Variants in DAB1 observed in about 807,000 individuals in gnomAD.
DAB1 encodes the protein DAB adaptor protein 1.
A neutral mutation model predicts 64.6 loss-of-function variants in DAB1; 15 were observed. The observed-to-expected ratio is 0.23, with a 90% confidence interval of 0.16 to 0.36. The LOEUF (loss-of-function observed/expected upper bound fraction) is 0.36, where lower values mean the gene tolerates loss of function less well. DAB1 is among the 10% of genes least tolerant of loss of function. The pLI, the probability that DAB1 is intolerant of heterozygous loss-of-function variation, is 1.00. For missense variants in DAB1, 596 were observed against 706.7 expected (o/e 0.84, Z 1.78); for synonymous variants, 235 against 251.9 (o/e 0.93, Z 0.64).
At chr1:58,425,174 C>T (rs1023421374) in intron 3 of DAB1, among the ~76,000 whole-genome samples, 1 of 152,292 alleles carries the variant, frequency 6.6e-6, no homozygotes, top group Middle Eastern at 3.4e-3. Flanking sequence ...GACAAGCCCC[C>T]CTGCATTCTT....
intron 5 of DAB1, among the ~76,000 whole-genome samples, chr1:57,925,090 A>C (rs1644860933): frequency 6.6e-6 from 1 of 152,172 alleles, no homozygotes; most frequent in South Asian, 2.1e-4. Flanking sequence ...CTCAAAAGGA[A>C]ACTCAGGTCA....
At chr1:57,282,263 T>C (rs1014162661) in intron 2 of DAB1, among the ~76,000 whole-genome samples, 3 of 143,866 alleles carry the variant, frequency 2.1e-5, no homozygotes, top group Non-Finnish European at 4.5e-5. Flanking sequence ...AGCAAGTGCA[T>C]AGGGTAAGAG....
At chr1:57,053,825 C>T (rs11206961) in intron 9 of DAB1, among the ~76,000 whole-genome samples, 51,887 of 150,382 alleles carry the variant, frequency 0.35, 9,739 homozygotes, top group Middle Eastern at 0.47. Context: ...GTAGCTGGGA[C>T]TACAGAAGTG....
intron 5 of DAB1, among the ~76,000 whole-genome samples, chr1:58,040,997 C>G (rs191502130): frequency 5.6e-4 from 86 of 152,298 alleles, no homozygotes; most frequent in Non-Finnish European, 6.8e-4. Context: ...TGCATCACCC[C>G]CTGGATACAT....
chr1:57,678,356 T>C (rs1646593181), intron 6 of DAB1, among the ~76,000 whole-genome samples: 1 of 152,226 alleles, frequency 6.6e-6, no homozygotes, highest in South Asian at 2.1e-4. Flanking sequence ...GTGAATGCCT[T>C]TCAAGGGGCT....
At chr1:57,505,034 C>G (rs1344576910) in intron 7 of DAB1, among the ~76,000 whole-genome samples, 2 of 151,840 alleles carry the variant, frequency 1.3e-5, no homozygotes, top group African/African-American at 4.8e-5. Context: ...GAGACAGGAA[C>G]AGGACATTAG....
intron 5 of DAB1, among the ~76,000 whole-genome samples, chr1:57,978,698 A>G (rs1006863309): frequency 1.3e-5 from 2 of 152,214 alleles, no homozygotes; most frequent in African/African-American, 2.4e-5. Flanking sequence ...AGAATCCACA[A>G]AGAACTTAAA....
At chr1:57,122,439 C>A (rs1656750290) in intron 4 of DAB1, among the ~76,000 whole-genome samples, 1 of 152,090 alleles carries the variant, frequency 6.6e-6, no homozygotes, top group African/African-American at 2.4e-5. Flanking sequence ...CTTAGCTCTC[C>A]CAAACATGTT....
chr1:57,198,997 A>C (rs1382165662), intron 2 of DAB1, among the ~76,000 whole-genome samples: 3 of 152,160 alleles, frequency 2.0e-5, no homozygotes, highest in African/African-American at 7.2e-5. Context: ...GGGCACCCCC[A>C]GGCCACTGGT....
At chr1:57,606,643 AAT>A (rs1302276081) in intron 7 of DAB1, among the ~76,000 whole-genome samples, 56 of 89,378 alleles carry the variant, frequency 6.3e-4, no homozygotes, top group African/African-American at 2.8e-3. Flanking sequence ...TTATATATGA[AAT>A]ATATATTATG....
chr1:58,487,512 C>T (rs1256685600), intron 3 of DAB1, among the ~76,000 whole-genome samples: 2 of 152,170 alleles, frequency 1.3e-5, no homozygotes, highest in African/African-American at 4.8e-5. Context: ...TACCTTTCTA[C>T]ATTTTGAAGG....
In DAB1 at chr1:57,918,894, G is replaced by T. The variant is rs574056304; in HGVS notation, n.388-34732C>A. 3.9e-5 allele frequency among the ~76,000 whole-genome samples: 6 copies of T among 152,154 alleles called. No individual in the cohort carries two copies. The East Asian group carries it at 1.2e-3, about 29-fold the overall frequency. ...CCTGTGACACAAAGACCTCCACTAG[G>T]CCCCACTTCCCAATACCACCACATT... On this transcript the variant is annotated intron_variant and non_coding_transcript_variant, in intron 5 of 20. Coordinates refer to the DAB1 transcript ENST00000485760.
chr1:57,225,716 T>C (rs1667213020), intron 2 of DAB1, among the ~76,000 whole-genome samples: 1 of 152,168 alleles, frequency 6.6e-6, no homozygotes, highest in Admixed American at 6.5e-5. Context: ...CAAAGCTAAT[T>C]GATAGTTAAT....
chr1:57,427,206 G>A (rs1405096956), upstream of DAB1, among the ~76,000 whole-genome samples: 1 of 152,144 alleles, frequency 6.6e-6, no homozygotes, highest in African/African-American at 2.4e-5. Context: ...CAGTCACCTG[G>A]TAAACATTGA....
At chr1:57,025,891 C>T in intron 10 of DAB1, 90 bp downstream of exon 10, 2 of 1,048,058 alleles carry the variant, frequency 1.9e-6, no homozygotes, top group South Asian at 3.3e-5. Flanking sequence ...CAGCAGCCCT[C>T]TTTCACTCAA....
At chr1:57,975,640 G>A (rs1645901047) in intron 5 of DAB1, among the ~76,000 whole-genome samples, 1 of 152,166 alleles carries the variant, frequency 6.6e-6, no homozygotes, top group African/African-American at 2.4e-5. Context: ...TACTTATCAT[G>A]TCTCAGGTAC....
intron 5 of DAB1, among the ~76,000 whole-genome samples, chr1:58,014,757 G>A (rs912800626): frequency 6.6e-6 from 1 of 152,146 alleles, no homozygotes; most frequent in African/African-American, 2.4e-5. Flanking sequence ...TCAGATTAAC[G>A]AATGGCTGAA....
At chr1:58,095,459 G>A (rs1177247724) in intron 5 of DAB1, among the ~76,000 whole-genome samples, 1 of 152,182 alleles carries the variant, frequency 6.6e-6, no homozygotes, top group Non-Finnish European at 1.5e-5. Flanking sequence ...GGACAGAGCA[G>A]GCTTCAGTGT....
At position 57,678,949 on chromosome 1, in the gene DAB1, T is replaced by G. The variant is rs551138860; in HGVS notation, n.552-29284A>C. ...GCCCGGCTAATTTTTTTTTTTGTAT[T>G]TTTCGTAGAGATGGGGTTTCACTGT... On this transcript the variant is annotated intron_variant and non_coding_transcript_variant, in intron 6 of 20. Transcript: ENST00000485760. Among the ~76,000 whole-genome samples, 10 of 151,774 alleles carry G rather than the reference T, an allele frequency of 6.6e-5. No individual in the cohort carries two copies. The East Asian group carries it at 2.0e-3, about 30-fold the overall frequency.
Sources: allele counts gnomAD v4.1 joint callset (sites outside exome capture counted in the v4.1 genomes callset), GRCh38; gene constraint gnomAD v4.1.1; transcripts MANE v1.5; gene names NCBI Gene and HGNC (gene_info 2026-07-23, HGNC 2026-07-21).